Variants in GRID2 observed in about 807,000 individuals in gnomAD.
The protein encoded by GRID2 is glutamate ionotropic receptor delta type subunit 2, also known as glutamate receptor ionotropic, delta-2.
GRID2 carries 33 observed loss-of-function variants against 114.8 expected under a neutral mutation model. The ratio of observed to expected loss-of-function variants is 0.29; its 90% CI spans 0.22 to 0.38. The LOEUF is 0.38. Among genes scored for constraint, GRID2 ranks in the 10% least tolerant of loss-of-function variants. GRID2 has a pLI of 1.00. For missense variants in GRID2, 1,184 were observed against 1,257.7 expected (o/e 0.94, Z 0.89); for synonymous variants, 505 against 449.9 (o/e 1.12, Z -1.55).
At chr4:93,411,450 G>A (rs1281500266) in intron 9 of GRID2, among the ~76,000 whole-genome samples, 5 of 147,606 alleles carry the variant, frequency 3.4e-5, no homozygotes, top group African/African-American at 1.0e-4. Context: ...TTTTTGAGAC[G>A]GAGTCTTACT....
intron 2 of GRID2, among the ~76,000 whole-genome samples, chr4:92,665,092 A>AT (rs572225372): frequency 1.4e-3 from 204 of 149,920 alleles, no homozygotes; most frequent in Admixed American, 4.4e-3. Flanking sequence ...AGCATTATAA[A>AT]TTTTTTGTCC....
intron 1 of GRID2, among the ~76,000 whole-genome samples, chr4:93,793,037 A>T (rs111664622): frequency 2.0e-5 from 3 of 152,330 alleles, no homozygotes; most frequent in African/African-American, 7.2e-5. Context: ...CTATTTTTCA[A>T]TGGAAACTGT....
intron 8 of GRID2, among the ~76,000 whole-genome samples, 197 bp downstream of exon 8, chr4:93,238,687 G>A (rs923576836): frequency 1.3e-5 from 2 of 151,548 alleles, no homozygotes; most frequent in Admixed American, 6.6e-5. Flanking sequence ...TTCTATTTCC[G>A]ACTTAGAATA....
intron 4 of GRID2, among the ~76,000 whole-genome samples, chr4:93,175,223 T>C (rs984410827): frequency 1.3e-5 from 2 of 152,210 alleles, no homozygotes; most frequent in African/African-American, 4.8e-5. Context: ...CAGGCTGGAG[T>C]GCAGTGGCAT....
intron 12 of GRID2, among the ~76,000 whole-genome samples, chr4:93,514,017 C>T (rs1486496445): frequency 6.6e-6 from 1 of 152,128 alleles, no homozygotes. Context: ...TGTGCGCATT[C>T]GTTCTTGTTT....
chr4:92,784,478 T>G (rs1739226334), intron 2 of GRID2, among the ~76,000 whole-genome samples: 1 of 151,726 alleles, frequency 6.6e-6, no homozygotes, highest in South Asian at 2.1e-4. Context: ...TTTCATCCAG[T>G]CAGGCAAGTG....
chr4:93,101,541 G>A (rs922986701), intron 3 of GRID2, among the ~76,000 whole-genome samples: 5 of 151,946 alleles, frequency 3.3e-5, no homozygotes, highest in Non-Finnish European at 5.9e-5. Context: ...GAGCAATACC[G>A]TGTCATATTT....
intron 5 of GRID2, among the ~76,000 whole-genome samples, chr4:93,212,192 T>C (rs1352956856): frequency 6.6e-6 from 1 of 152,170 alleles, no homozygotes; most frequent in African/African-American, 2.4e-5. Flanking sequence ...CTAGTTTTGT[T>C]TGTGTAGCTA....
chr4:92,661,505 A>G (rs1732518430), intron 2 of GRID2, among the ~76,000 whole-genome samples: 1 of 150,898 alleles, frequency 6.6e-6, no homozygotes, highest in South Asian at 2.1e-4. Flanking sequence ...AGAATGAGCT[A>G]TGTGCCTCAT....
intron 2 of GRID2, among the ~76,000 whole-genome samples, chr4:92,988,661 T>G (rs980517112): frequency 2.6e-5 from 4 of 152,114 alleles, no homozygotes; most frequent in Non-Finnish European, 5.9e-5. Flanking sequence ...CGAAAAAGAT[T>G]GATCATGGTT....
rs1168381312 is a variant in GRID2, at chr4:93,793,392, T to TC, written c.222-13322dup. Among the ~76,000 whole-genome samples the TC allele has an allele frequency of 1.3e-5, 2 of 152,266 alleles. 1 individual carries two copies. The highest frequency in any genetic ancestry group is 2.9e-5 in the Non-Finnish European group (2 of 68,016). On this transcript the variant is annotated intron_variant, in intron 1 of 1. Transcript: ENST00000637838. ...CTGATAATGAACGTAGAAACATTGA[T>TC]CTATAGCACACTTTAAAGACCATTG...
At chr4:93,027,497 C>T (rs967387483) in intron 2 of GRID2, among the ~76,000 whole-genome samples, 3 of 152,050 alleles carry the variant, frequency 2.0e-5, no homozygotes, top group African/African-American at 7.2e-5. Flanking sequence ...CTGGATTTTA[C>T]AGAGTGTATC....
At chr4:92,527,055 T>A (rs1273222774) in intron 1 of GRID2, among the ~76,000 whole-genome samples, 1 of 151,740 alleles carries the variant, frequency 6.6e-6, no homozygotes, top group African/African-American at 2.4e-5. Context: ...GGGATGAGGA[T>A]ACGTTTGACT....
intron 14 of GRID2, among the ~76,000 whole-genome samples, chr4:93,726,244 C>T (rs958098146): frequency 2.6e-5 from 4 of 152,188 alleles, no homozygotes; most frequent in Non-Finnish European, 2.9e-5. Flanking sequence ...AATAGGGCAT[C>T]CTTCCCCCAT....
chr4:93,038,328 C>G (rs748263118), intron 2 of GRID2, among the ~76,000 whole-genome samples: 17 of 151,810 alleles, frequency 1.1e-4, no homozygotes, highest in Non-Finnish European at 2.4e-4. Flanking sequence ...AAAAAACAAC[C>G]CCATCAAAAA....
rs907391703 is a variant in GRID2 at position 93,326,163 on chromosome 4, T to C, written c.1246-69444T>C. ...GTATTTCAAGCAGTAAAGAATATAA[T>C]AAATGGAACTAGGTGCTCAGAAAAT... On this transcript the variant is annotated intron_variant, in intron 8 of 15. Transcript: ENST00000282020. Among the ~76,000 whole-genome samples, 9 of 152,198 alleles carry C rather than the reference T, an allele frequency of 5.9e-5. No homozygotes were observed. The South Asian group carries it at 6.2e-4, about 11-fold the overall frequency.
intron 14 of GRID2, among the ~76,000 whole-genome samples, chr4:93,664,621 G>A (rs1723790543): frequency 6.6e-6 from 1 of 152,098 alleles, no homozygotes; most frequent in African/African-American, 2.4e-5. Flanking sequence ...TGAGATAAGA[G>A]GCCTACAGGA....
At chr4:93,426,711 A>C (rs1768880283) in intron 10 of GRID2, among the ~76,000 whole-genome samples, 1 of 152,118 alleles carries the variant, frequency 6.6e-6, no homozygotes, top group African/African-American at 2.4e-5. Flanking sequence ...TTCATAAACA[A>C]TCAATTTCAA....
intron 2 of GRID2, among the ~76,000 whole-genome samples, chr4:92,969,759 C>T (rs927607574): frequency 6.6e-6 from 1 of 151,748 alleles, no homozygotes; most frequent in Non-Finnish European, 1.5e-5. Flanking sequence ...ATTGTTTTCT[C>T]TAGTGAAGAA....
Sources: gnomAD v4.1 joint callset for allele counts (sites outside exome capture counted in the v4.1 genomes callset) on GRCh38, gnomAD v4.1.1 for gene constraint, MANE v1.5 for transcripts, NCBI Gene and HGNC (gene_info 2026-07-23, HGNC 2026-07-21) for gene names.